GTF2E2: variants seen among roughly 807,000 people sequenced by gnomAD.
The protein encoded by GTF2E2 is general transcription factor IIE subunit 2, also known as transcription initiation factor IIE subunit beta.
In GTF2E2, 21 loss-of-function variants were observed where a neutral mutation model predicts 40.5. The observed-to-expected ratio is 0.52, with a 90% CI of 0.37 to 0.75. GTF2E2 has a LOEUF of 0.75. Ranked by LOEUF, GTF2E2 falls within the 30% of genes least tolerant of loss-of-function variation. The pLI is 0.00. For synonymous variants in GTF2E2, 117 were observed against 121.6 expected (o/e 0.96, Z 0.25); for missense variants, 298 against 338.4 (o/e 0.88, Z 0.94).
At chr8:30,598,585 C>T (rs1471916648) in intron 6 of GTF2E2, among the ~76,000 whole-genome samples, 1 of 152,098 alleles carries the variant, frequency 6.6e-6, no homozygotes, top group Admixed American at 6.5e-5. Context: ...TAGCTCAATG[C>T]TGTTGCAATA....
At chr8:30,601,175 G>C (rs1191909038) in intron 6 of GTF2E2, among the ~76,000 whole-genome samples, 1 of 152,174 alleles carries the variant, frequency 6.6e-6, no homozygotes, top group Non-Finnish European at 1.5e-5. Context: ...ACAGCACCGT[G>C]TGAACACCAA....
At position 30,614,659 on chromosome 8, in the gene GTF2E2, T is replaced by TTCA; in HGVS notation, c.312_314dup (p.Asp104dup). 6.2e-7 allele frequency: 1 copy of TTCA among 1,610,944 alleles called. No individual in the cohort carries two copies. Among genetic ancestry groups the TTCA allele is most frequent in the Non-Finnish European group, 8.5e-7 (1 of 1,177,282 alleles). On this transcript the variant is annotated inframe_insertion, in exon 4 of 8. Coordinates refer to ENST00000355904, the MANE Select transcript of GTF2E2 (RefSeq NM_002095.6). Reference sequence around the variant, plus strand: ...TGAGTCCAATATCTAAATGTTGTGTTTCATCCAAAATTTCATCTAAGGTTA... The same window carrying TTCA: ...TGAGTCCAATATCTAAATGTTGTGTTTCATCATCCAAAATTTCATCTAAGGTTA...
At chr8:30,636,032 C>A (rs1801588938) in intron 2 of GTF2E2, among the ~76,000 whole-genome samples, 1 of 152,048 alleles carries the variant, frequency 6.6e-6, no homozygotes, top group African/African-American at 2.4e-5. Context: ...CACTACCCAC[C>A]CACTTTGAGA....
At chr8:30,591,969 C>T (rs922417839) in intron 6 of GTF2E2, among the ~76,000 whole-genome samples, 2 of 152,090 alleles carry the variant, frequency 1.3e-5, no homozygotes, top group Non-Finnish European at 2.9e-5. Context: ...TCCCTATAAG[C>T]ACTGCTATAG....
Position 30,584,484 on chromosome 8 carries a change from A to G in GTF2E2, c.644-4088T>C, listed in dbSNP as rs1457875394. On this transcript the variant is annotated intron_variant, in intron 6 of 7. Transcript: ENST00000355904. Reference sequence around the variant, plus strand: ...GCCAAGTATCATGAAAGTCAGGCACACTCTAAACCGTAAGGGTAAATAAAA... The same window carrying G: ...GCCAAGTATCATGAAAGTCAGGCACGCTCTAAACCGTAAGGGTAAATAAAA... 5 of 152,210 alleles carry G rather than the reference A, an allele frequency of 3.3e-5. No homozygotes were observed. The East Asian group carries it at 5.8e-4, about 18-fold the overall frequency. 9.4% of individuals were successfully genotyped at this position (152,210 alleles called of 1,614,324 possible).
chr8:30,647,282 T>C (rs946207483), intron 2 of GTF2E2, among the ~76,000 whole-genome samples: 1 of 152,150 alleles, frequency 6.6e-6, no homozygotes, highest in African/African-American at 2.4e-5. Flanking sequence ...TCTGTTCTTT[T>C]CAATTTAAAG....
chr8:30,604,392 T>G (rs1288808290), intron 6 of GTF2E2, among the ~76,000 whole-genome samples: 1 of 152,148 alleles, frequency 6.6e-6, no homozygotes, highest in Non-Finnish European at 1.5e-5. Context: ...TTTTCTCAAT[T>G]TACTTCTGCA....
chr8:30,635,249 T>C (rs1801559696), intron 2 of GTF2E2, 126 bp from the exon 3 acceptor site: 1 of 546,190 alleles, frequency 1.8e-6, no homozygotes, highest in Non-Finnish European at 3.2e-6. Flanking sequence ...TACCCTGTAA[T>C]ATTCTGGTGA....
rs555035384 is a variant in GTF2E2 at position 30,658,198 on chromosome 8, T to A, written c.-230A>T. 1 of 180,136 alleles carries A rather than the reference T, an allele frequency of 5.6e-6. No individual in the cohort carries two copies. The highest frequency in any genetic ancestry group is 1.8e-4 in the East Asian group (1 of 5,588). 11.2% of individuals were successfully genotyped at this position (180,136 alleles called of 1,614,324 possible). On this transcript the variant is annotated 5_prime_UTR_variant, in exon 1 of 8. Coordinates refer to ENST00000355904, the MANE Select transcript of GTF2E2 (RefSeq NM_002095.6). ...CTGAGGCGGCGACTGGACCCGGGAC[T>A]CCGCCCGCCACTTCCCGATCGGGTG...
intron 6 of GTF2E2, among the ~76,000 whole-genome samples, chr8:30,600,734 AAAT>A (rs1274796778): frequency 5.3e-5 from 8 of 152,246 alleles, no homozygotes; most frequent in Non-Finnish European, 7.3e-5. Context: ...TGCCTTTGAA[AAAT>A]AAGTTGCCTG....
intron 6 of GTF2E2, among the ~76,000 whole-genome samples, chr8:30,600,622 A>T (rs948595805): frequency 3.3e-5 from 5 of 152,170 alleles, no homozygotes; most frequent in Non-Finnish European, 5.9e-5. Context: ...AAAATAAATT[A>T]AAAAAAGATA....
intron 6 of GTF2E2, among the ~76,000 whole-genome samples, chr8:30,584,266 C>T (rs1828608393): frequency 6.6e-6 from 1 of 151,476 alleles, no homozygotes; most frequent in African/African-American, 2.4e-5. Flanking sequence ...ATGTTCCAGG[C>T]TCATCTTGTA....
chr8:30,601,254 G>A (rs146712058), intron 6 of GTF2E2, among the ~76,000 whole-genome samples: 1 of 152,272 alleles, frequency 6.6e-6, no homozygotes, highest in Non-Finnish European at 1.5e-5. Context: ...GGAAGGTCAA[G>A]GACAGCAACC....
intron 6 of GTF2E2, among the ~76,000 whole-genome samples, chr8:30,594,350 C>A (rs1401347084): frequency 6.6e-6 from 1 of 151,778 alleles, no homozygotes; most frequent in Non-Finnish European, 1.5e-5. Flanking sequence ...CTCCACCTCC[C>A]CAGCTGAAGC....
At chr8:30,607,501 G>A (rs1471772602) in intron 5 of GTF2E2, among the ~76,000 whole-genome samples, 1 of 152,164 alleles carries the variant, frequency 6.6e-6, no homozygotes, top group East Asian at 1.9e-4. Flanking sequence ...GGCTGGTCTT[G>A]AACTCCTGGG....
chr8:30,602,612 C>G (rs957931529), intron 6 of GTF2E2, among the ~76,000 whole-genome samples: 3 of 151,880 alleles, frequency 2.0e-5, no homozygotes, highest in African/African-American at 4.8e-5. Flanking sequence ...CAAAATTAGC[C>G]AGGCGTGGTG....
chr8:30,647,047 A>C (rs933415489), intron 2 of GTF2E2, among the ~76,000 whole-genome samples: 9 of 151,348 alleles, frequency 5.9e-5, no homozygotes, highest in Non-Finnish European at 1.2e-4. Context: ...ATTTAAAAGT[A>C]AAAAATAAAT....
chr8:30,617,926 C>A (rs925129118), intron 3 of GTF2E2, among the ~76,000 whole-genome samples: 3 of 152,100 alleles, frequency 2.0e-5, no homozygotes, highest in Non-Finnish European at 2.9e-5. Context: ...GTACACACCC[C>A]AGGGACACAA....
intron 6 of GTF2E2, among the ~76,000 whole-genome samples, chr8:30,592,870 C>T (rs780331367): frequency 2.2e-4 from 33 of 152,112 alleles, no homozygotes; most frequent in Non-Finnish European, 4.1e-4. Flanking sequence ...GGCCAGAATA[C>T]CATCCATCTT....
Sources: allele counts gnomAD v4.1 joint callset (sites outside exome capture counted in the v4.1 genomes callset), GRCh38; gene constraint gnomAD v4.1.1; transcripts MANE v1.5; gene names NCBI Gene and HGNC (gene_info 2026-07-23, HGNC 2026-07-21).